The following HIKESHI variants were observed in gnomAD, a reference collection of about 807,000 sequenced individuals.
HIKESHI encodes the protein heat shock protein nuclear import factor hikeshi.
A neutral mutation model predicts 25.7 loss-of-function variants in HIKESHI; 13 were observed. The ratio of observed to expected loss-of-function variants is 0.51; its 90% confidence interval spans 0.33 to 0.80. The LOEUF is 0.80. Ranked by LOEUF, HIKESHI falls within the 30% of genes least tolerant of loss-of-function variation. HIKESHI has a pLI of 0.02. For synonymous variants in HIKESHI, 76 were observed against 78.7 expected, an observed-to-expected ratio of 0.97 and a Z score of 0.18; for missense variants, 174 against 229.5, an observed-to-expected ratio of 0.76 and a Z score of 1.56.
At chr11:86,334,480 T>C (rs1947497114) in intron 2 of HIKESHI, among the ~76,000 whole-genome samples, 1 of 152,192 alleles carries the variant, frequency 6.6e-6, no homozygotes, top group African/African-American at 2.4e-5. Flanking sequence ...TTAAAGAACT[T>C]GATCTAATTT....
chr11:86,320,790 C>T (rs1209539550), intron 2 of HIKESHI, among the ~76,000 whole-genome samples: 1 of 152,162 alleles, frequency 6.6e-6, no homozygotes, highest in Non-Finnish European at 1.5e-5. Context: ...TACTTTATGT[C>T]ACTATAAAAT....
At chr11:86,334,125 A>G (rs1370223110) in intron 2 of HIKESHI, among the ~76,000 whole-genome samples, 2 of 152,246 alleles carry the variant, frequency 1.3e-5, no homozygotes, top group Non-Finnish European at 2.9e-5. Context: ...TCTTAAAAAC[A>G]AGGAAAATGT....
intron 2 of HIKESHI, among the ~76,000 whole-genome samples, chr11:86,313,557 T>C (rs1223511968): frequency 6.6e-6 from 1 of 152,206 alleles, no homozygotes; most frequent in African/African-American, 2.4e-5. Context: ...ACAAACTGTT[T>C]ATGGAGTCCA....
At chr11:86,337,629 G>GT in intron 3 of HIKESHI, 99 bp downstream of exon 3, 1 of 1,206,070 alleles carries the variant, frequency 8.3e-7, no homozygotes, top group Non-Finnish European at 1.1e-6. Flanking sequence ...ACAATGTGAT[G>GT]TTTTTGATAC....
At chr11:86,329,082 A>G (rs77800930) in intron 2 of HIKESHI, among the ~76,000 whole-genome samples, 1,523 of 151,834 alleles carry the variant, frequency 0.01, 20 homozygotes, top group African/African-American at 0.034. Flanking sequence ...CTCCTTTCCT[A>G]TTAACCAAGT....
At chr11:86,332,210 C>T (rs1048242276) in intron 2 of HIKESHI, among the ~76,000 whole-genome samples, 10 of 152,078 alleles carry the variant, frequency 6.6e-5, no homozygotes, top group Admixed American at 5.9e-4. Flanking sequence ...GTGATCTGCC[C>T]GCCTCGGCCT....
chr11:86,330,109 T>G (rs1422798584), intron 2 of HIKESHI, among the ~76,000 whole-genome samples: 1 of 152,190 alleles, frequency 6.6e-6, no homozygotes, highest in Admixed American at 6.5e-5. Flanking sequence ...TTTGGTTCTT[T>G]CACTATATAC....
At chr11:86,303,480 C>T in intron 1 of HIKESHI, 1 of 844,420 alleles carries the variant, frequency 1.2e-6, no homozygotes, top group Non-Finnish European at 1.4e-6. Context: ...TTTTGCCCTG[C>T]TCTTAATAGG....
intron 2 of HIKESHI, among the ~76,000 whole-genome samples, chr11:86,323,375 A>G (rs1404816432): frequency 6.6e-6 from 1 of 152,232 alleles, no homozygotes; most frequent in East Asian, 1.9e-4. Context: ...GGAAAACATG[A>G]AAGATTAAAT....
intron 3 of HIKESHI, among the ~76,000 whole-genome samples, chr11:86,343,019 G>C (rs750857388): frequency 1.2e-4 from 19 of 152,120 alleles, no homozygotes; most frequent in African/African-American, 3.1e-4. Flanking sequence ...GGTTTAATTT[G>C]GGGAGAATTG....
chr11:86,326,664 A>G, intron 2 of HIKESHI: 2 of 395,700 alleles, frequency 5.1e-6, no homozygotes, highest in Non-Finnish European at 1.0e-5. Context: ...TGGAGCATGA[A>G]CTTGAAATAT....
chr11:86,320,403 C>A (rs535473773), intron 2 of HIKESHI, among the ~76,000 whole-genome samples: 23 of 152,186 alleles, frequency 1.5e-4, no homozygotes, highest in Admixed American at 5.9e-4. Flanking sequence ...CGTGGTGAAA[C>A]CCTGTCTACT....
intron 3 of HIKESHI, among the ~76,000 whole-genome samples, chr11:86,342,730 T>TTC: frequency 6.6e-6 from 1 of 152,022 alleles, no homozygotes; most frequent in East Asian, 1.9e-4. Flanking sequence ...CCCATTTTTT[T>TTC]TTTTTTACCA....
Position 86,302,336 on chromosome 11 carries a change from C to A in HIKESHI, c.-113C>A. 1 of 1,320,362 alleles carries A rather than the reference C, an allele frequency of 7.6e-7. No individual in the cohort carries two copies. The highest frequency in any genetic ancestry group is 1.1e-6 in the Non-Finnish European group (1 of 946,078). The allele number at this position is 1,320,362 out of a possible 1,614,324, so 81.8% of individuals were successfully genotyped here. On this transcript the variant is annotated 5_prime_UTR_variant, in exon 1 of 5. Coordinates refer to ENST00000278483, the MANE Select transcript of HIKESHI (RefSeq NM_016401.4). ...GCCCAGTCACTATGTAGTGGAGGGG[C>A]AGACACCCTCCCGCAAATTCTGGAA...
At chr11:86,319,931 T>G (rs765213285) in intron 2 of HIKESHI, among the ~76,000 whole-genome samples, 9 of 152,156 alleles carry the variant, frequency 5.9e-5, no homozygotes, top group Non-Finnish European at 1.0e-4. Flanking sequence ...AGTGATAATA[T>G]TCTAATTTTG....
At chr11:86,332,319 C>T (rs1947448524) in intron 2 of HIKESHI, among the ~76,000 whole-genome samples, 2 of 151,986 alleles carry the variant, frequency 1.3e-5, no homozygotes, top group South Asian at 4.2e-4. Context: ...TTACAGACAT[C>T]TCAACCAGTG....
At chr11:86,332,674 T>C (rs1947454879) in intron 2 of HIKESHI, among the ~76,000 whole-genome samples, 1 of 152,230 alleles carries the variant, frequency 6.6e-6, no homozygotes, top group South Asian at 2.1e-4. Flanking sequence ...AGAAAAATGT[T>C]GGAATTAGCT....
intron 2 of HIKESHI, among the ~76,000 whole-genome samples, chr11:86,308,342 T>TTACATATAAAATATATATTA (rs1946735790): frequency 4.5e-5 from 2 of 44,934 alleles, no homozygotes; most frequent in African/African-American, 1.9e-4. Flanking sequence ...AAAATATATA[T>TTACATATAAAATATATATTA]TATATAAAAT....
intron 2 of HIKESHI, chr11:86,324,334 T>A (rs1480150185): frequency 6.6e-6 from 1 of 152,206 alleles, no homozygotes; most frequent in African/African-American, 2.4e-5. Flanking sequence ...AAAAATAAAT[T>A]GTTTTTCATC....
Sources: gnomAD v4.1 joint callset for allele counts (sites outside exome capture counted in the v4.1 genomes callset) on GRCh38, gnomAD v4.1.1 for gene constraint, MANE v1.5 for transcripts, NCBI Gene and HGNC (gene_info 2026-07-23, HGNC 2026-07-21) for gene names.